The following CD37 variants were observed in gnomAD, a reference collection of about 807,000 sequenced individuals.
CD37 encodes CD37 molecule, also known as leukocyte antigen CD37.
A neutral mutation model predicts 38.9 loss-of-function variants in CD37; 37 were observed. The observed-to-expected ratio is 0.95, with a 90% confidence interval of 0.73 to 1.25. The LOEUF (loss-of-function observed/expected upper bound fraction) is 1.25. CD37 is among the 50% of genes most tolerant of loss of function. The probability of loss-of-function intolerance (pLI) is 0.00; values close to 1 mark genes in which losing one functional copy is unlikely to be tolerated. For synonymous variants in CD37, 146 were observed against 150.1 expected (o/e 0.97, Z 0.20); for missense variants, 351 against 360.1 (o/e 0.97, Z 0.20).
In CD37 at chr19:49,339,481, G is replaced by A. The variant is rs753238158; in HGVS notation, c.768+68G>A. The A allele has an allele frequency of 2.6e-6, 4 of 1,558,136 alleles. No homozygotes were observed. The South Asian group carries it at 3.3e-5, about 13-fold the overall frequency. ...TAGATGGCCCTGCCCTTCATTTCGC[G>A]TCCTTCGGTTGCCTGGGAAGGACGA... On this transcript the variant is annotated intron_variant, in intron 7 of 7. Transcript: ENST00000323906. The surrounding 1 kb of genome is among the most constrained non-coding windows in gnomAD (Gnocchi z 4.5).
chr19:49,337,520 G>A, intron 4 of CD37: 7 of 769,386 alleles, frequency 9.1e-6, no homozygotes, highest in South Asian at 1.8e-5. Context: ...TACTTGGGAG[G>A]TCGAGGTGGG....
In CD37 at chr19:49,339,565, G is replaced by A. The variant is rs1184548016; in HGVS notation, c.768+152G>A. 4.8e-6 allele frequency: 7 copies of A among 1,467,550 alleles called. No individual in the cohort carries two copies. The Admixed American group carries it at 1.2e-4, about 26-fold the overall frequency. 90.9% of individuals were successfully genotyped at this position (1,467,550 alleles called of 1,614,324 possible). On this transcript the variant is annotated intron_variant, in intron 7 of 7. Transcript: ENST00000323906. This position sits in a 1 kb window ranked among gnomAD's most constrained non-coding sequence, Gnocchi z 4.5. ...CCGCCGCTCCACCCAGCACCGGAGG[G>A]TGGGGGCGGCCCAGCTTCAGGGAGC... is the stretch of plus-strand genomic sequence containing the variant.
At position 49,339,549 on chromosome 19, in the gene CD37, C is replaced by T; in HGVS notation, c.768+136C>T. The stretch of plus-strand genomic sequence containing the variant: ...GCCCACCCCGGCCCTCCCGCCGCTC[C>T]ACCCAGCACCGGAGGGTGGGGGCGG... On this transcript the variant is annotated intron_variant, in intron 7 of 7. Coordinates refer to ENST00000323906, the MANE Select transcript of CD37 (RefSeq NM_001774.3). The surrounding 1 kb of genome is among the most constrained non-coding windows in gnomAD (Gnocchi z 4.5). 6.8e-7 allele frequency: 1 copy of T among 1,476,930 alleles called. No individual in the cohort carries two copies. Among genetic ancestry groups the T allele is most frequent in the Non-Finnish European group, 9.0e-7 (1 of 1,105,918 alleles). The allele number at this position is 1,476,930 out of a possible 1,614,324, so 91.5% of individuals were successfully genotyped here.
chr19:49,340,331 C>A lies in CD37; in HGVS notation c.*3C>A. The A allele has an allele frequency of 6.2e-7, 1 of 1,606,440 alleles. No individual in the cohort carries two copies. Among genetic ancestry groups the A allele is most frequent in the Non-Finnish European group, 8.5e-7 (1 of 1,173,554 alleles). ...ACCGGCTCGCTCGATACCGTTAGGC[C>A]CCGCCCTCCCCAAAGTCCCGCCCCG... On this transcript the variant is annotated 3_prime_UTR_variant, in exon 8 of 8. Transcript: ENST00000323906.
chr19:49,338,002 G>A lies in CD37; in HGVS notation c.420G>A (p.Glu140=), dbSNP rs1223878755. 2 of 1,613,882 alleles carry A rather than the reference G, an allele frequency of 1.2e-6. No individual in the cohort carries two copies. Among genetic ancestry groups the A allele is most frequent in the East Asian group, 2.2e-5 (1 of 44,876 alleles). The change falls in exon 5 of 8, where the codon GAG becomes GAA. Residue 140 remains glutamate, a synonymous_variant. Transcript: ENST00000323906. The surrounding 1 kb of genome is among the most constrained non-coding windows in gnomAD (Gnocchi z 5.0). ...CCAACCCCGAGGAGACCGCGGCCGA[G>A]GAGAGCTGGGACTATGTGCAGTTCC... ...YGTNPEETAA[E]ESWDYVQFQL...
Position 49,335,509 on chromosome 19 carries a change from G to A in CD37, c.-32G>A. The A allele has an allele frequency of 1.9e-6, 3 of 1,538,570 alleles. No individual in the cohort carries two copies. The highest frequency in any genetic ancestry group is 9.0e-7 in the Non-Finnish European group (1 of 1,111,312). On this transcript the variant is annotated 5_prime_UTR_variant, in exon 1 of 8. Transcript: ENST00000323906. This position sits in a 1 kb window ranked among gnomAD's most constrained non-coding sequence, Gnocchi z 4.6. Reference sequence around the variant, plus strand: ...CCCACTGTCAGCACCTCTTCTGTGTGGTGAGTGGACCGCTTACCCCACTAG... The same window carrying A: ...CCCACTGTCAGCACCTCTTCTGTGTAGTGAGTGGACCGCTTACCCCACTAG...
In CD37 at chr19:49,338,198, C is replaced by G; in HGVS notation, c.447+169C>G. 5 of 1,434,906 alleles carry G rather than the reference C, an allele frequency of 3.5e-6. No homozygotes were observed. The South Asian group carries it at 6.0e-5, about 17-fold the overall frequency. 88.9% of individuals were successfully genotyped at this position (1,434,906 alleles called of 1,614,324 possible). A position where few individuals can be genotyped will look rare whatever the true frequency, so the allele number is the denominator to read the frequency against. On this transcript the variant is annotated intron_variant, in intron 5 of 7. Transcript: ENST00000323906. This position sits in a 1 kb window ranked among gnomAD's most constrained non-coding sequence, Gnocchi z 5.0. ...CCCCAGATGACACAACTGTCCCCGG[C>G]GTCGCCTGGTCTCCCAGTACCCAGA...
rs537897429 is a variant in CD37 at position 49,338,702 on chromosome 19, G to C, written c.450G>C (p.Leu150=). ...EESWDYVQFQ[L]RCCGWHYPQD... ...TCTGACTCGTATCCCTCTCCCAGCT[G>C]CGCTGCTGCGGCTGGCACTACCCGC... The change falls in exon 6 of 8, where the codon CTG becomes CTC. Residue 150 remains leucine, a splice_region_variant and synonymous_variant. Coordinates refer to ENST00000323906, the MANE Select transcript of CD37 (RefSeq NM_001774.3). The surrounding 1 kb of genome is among the most constrained non-coding windows in gnomAD (Gnocchi z 5.0). 1 of 1,609,526 alleles carries C rather than the reference G, an allele frequency of 6.2e-7. No individual in the cohort carries two copies. The highest frequency in any genetic ancestry group is 8.5e-7 in the Non-Finnish European group (1 of 1,178,534).
At position 49,338,986 on chromosome 19, in the gene CD37, G is replaced by C; in HGVS notation, c.684+50G>C. On this transcript the variant is annotated intron_variant, in intron 6 of 7. Transcript: ENST00000323906. The surrounding 1 kb of genome is among the most constrained non-coding windows in gnomAD (Gnocchi z 5.0). ...CCTGTCGAATGGGGCGGGGCCTGCG[G>C]GAGGGGGAGGGCTGTCAGTGAGTAG... is the stretch of plus-strand genomic sequence containing the variant. 7.1e-7 allele frequency: 1 copy of C among 1,409,668 alleles called. No homozygotes were observed. Among genetic ancestry groups the C allele is most frequent in the African/African-American group, 1.4e-5 (1 of 71,208 alleles). The allele number at this position is 1,409,668 out of a possible 1,614,324, so 87.3% of individuals were successfully genotyped here. A position where few individuals can be genotyped will look rare whatever the true frequency, so the allele number is the denominator to read the frequency against.
At position 49,339,248 on chromosome 19, in the gene CD37, G is replaced by A; in HGVS notation, c.685-82G>A. 7.9e-7 allele frequency: 1 copy of A among 1,258,758 alleles called. No homozygotes were observed. The highest frequency in any genetic ancestry group is 2.3e-5 in the East Asian group (1 of 43,110). The allele number at this position is 1,258,758 out of a possible 1,614,324, so 78.0% of individuals were successfully genotyped here. A position where few individuals can be genotyped will look rare whatever the true frequency, so the allele number is the denominator to read the frequency against. ...GAGCGGGTAGATGCCTGAAGACGGT[G>A]AGGGTTGGCCTGAAAAGAACGCTGG... On this transcript the variant is annotated intron_variant, in intron 6 of 7. Coordinates refer to ENST00000323906, the MANE Select transcript of CD37 (RefSeq NM_001774.3). The surrounding 1 kb of genome is among the most constrained non-coding windows in gnomAD (Gnocchi z 4.5).
rs763001458 is a variant in CD37, at chr19:49,338,963, T to G, written c.684+27T>G. On this transcript the variant is annotated intron_variant, in intron 6 of 7. Coordinates refer to ENST00000323906, the MANE Select transcript of CD37 (RefSeq NM_001774.3). This position sits in a 1 kb window ranked among gnomAD's most constrained non-coding sequence, Gnocchi z 5.0. ...TGGGCAGGGGTTCGGAGCATAAACC[T>G]GTCGAATGGGGCGGGGCCTGCGGGA... is the stretch of plus-strand genomic sequence containing the variant. 1.3e-6 allele frequency: 2 copies of G among 1,542,970 alleles called. No individual in the cohort carries two copies. Among genetic ancestry groups the G allele is most frequent in the Non-Finnish European group, 1.8e-6 (2 of 1,118,274 alleles).
Position 49,337,569 on chromosome 19 carries a change from C to T in CD37, c.342+348C>T, listed in dbSNP as rs571276378. On this transcript the variant is annotated intron_variant, in intron 4 of 7. Coordinates refer to ENST00000323906, the MANE Select transcript of CD37 (RefSeq NM_001774.3). ...CCAGGGAGTTTGAGGCTACAGTGAG[C>T]CATGCACTCAGCCTGGGTGACAGAG... 4.1e-6 allele frequency: 5 copies of T among 1,210,870 alleles called. No homozygotes were observed. The African/African-American group carries it at 7.6e-5, about 19-fold the overall frequency. 75.0% of individuals were successfully genotyped at this position (1,210,870 alleles called of 1,614,324 possible). A position where few individuals can be genotyped will look rare whatever the true frequency, so the allele number is the denominator to read the frequency against.
In CD37 at chr19:49,339,973, G is replaced by A. The variant is rs1346349133; in HGVS notation, c.769-278G>A. ...GGCACAATTAGAGGCTGAGGCAGAG[G>A]GGGAAGACAGATGAGCCTCCAAAAT... On this transcript the variant is annotated intron_variant, in intron 7 of 7. Transcript: ENST00000323906. This position sits in a 1 kb window ranked among gnomAD's most constrained non-coding sequence, Gnocchi z 4.5. 8.4e-6 allele frequency: 12 copies of A among 1,423,754 alleles called. No individual in the cohort carries two copies. Among genetic ancestry groups the A allele is most frequent in the African/African-American group, 1.4e-5 (1 of 69,540 alleles). The allele number at this position is 1,423,754 out of a possible 1,614,324, so 88.2% of individuals were successfully genotyped here.
At position 49,335,668 on chromosome 19, in the gene CD37, A is replaced by C; in HGVS notation, c.70-46A>C. The stretch of plus-strand genomic sequence containing the variant: ...AGCCCCTGCCGCTAACCCAGCCCTC[A>C]TCTTCCCCTGTGGCCCACCCCCGTA... On this transcript the variant is annotated intron_variant, in intron 1 of 7. Coordinates refer to ENST00000323906, the MANE Select transcript of CD37 (RefSeq NM_001774.3). This position sits in a 1 kb window ranked among gnomAD's most constrained non-coding sequence, Gnocchi z 4.6. 1.9e-6 allele frequency: 3 copies of C among 1,611,134 alleles called. No homozygotes were observed. The highest frequency in any genetic ancestry group is 2.5e-6 in the Non-Finnish European group (3 of 1,177,628).
intron 7 of CD37, 110 bp from the exon 8 acceptor site, chr19:49,340,141 T>A: frequency 4.6e-5 from 70 of 1,507,458 alleles, no homozygotes; most frequent in East Asian, 1.2e-4. Flanking sequence ...CTCCAGCCCC[T>A]TCCCGCCCAA....
In CD37 at chr19:49,337,977, C is replaced by A. The variant is rs1406768522; in HGVS notation, c.395C>A (p.Thr132Asn). The A allele has an allele frequency of 1.2e-6, 2 of 1,614,090 alleles. No homozygotes were observed. The highest frequency in any genetic ancestry group is 3.3e-5 in the Admixed American group (2 of 60,012). ...VVEKTIQKYG[T>N]NPEETAAEES... ...GAGAAAACCATCCAAAAGTACGGCACCAACCCCGAGGAGACCGCGGCCGAG... is the reference window on the plus strand; with the variant it reads ...GAGAAAACCATCCAAAAGTACGGCAACAACCCCGAGGAGACCGCGGCCGAG... Residue 132 changes from threonine (T) to asparagine (N), a missense_variant, in exon 5 of 8, where the codon ACC becomes AAC. Physicochemically the swap from Thr to Asn is moderately conservative, Grantham distance 65. Coordinates refer to ENST00000323906, the MANE Select transcript of CD37 (RefSeq NM_001774.3).
Position 49,339,308 on chromosome 19 carries a change from A to G in CD37, c.685-22A>G. ...TGAGAGTCCCAGAAAGAATCCCTTT[A>G]ACTTTTCCCTACACCCCCCAGGGCT... On this transcript the variant is annotated intron_variant, in intron 6 of 7. Coordinates refer to ENST00000323906, the MANE Select transcript of CD37 (RefSeq NM_001774.3). The surrounding 1 kb of genome is among the most constrained non-coding windows in gnomAD (Gnocchi z 4.5). 1 of 1,608,354 alleles carries G rather than the reference A, an allele frequency of 6.2e-7. No homozygotes were observed. Among genetic ancestry groups the G allele is most frequent in the East Asian group, 2.2e-5 (1 of 44,846 alleles).
At chr19:49,337,100 C>T (rs1324675564) in intron 3 of CD37, 47 bp from the exon 4 acceptor site, 17 of 1,614,002 alleles carry the variant, frequency 1.1e-5, no homozygotes, top group Middle Eastern at 1.6e-4. Flanking sequence ...TGGCCTGGGC[C>T]GGGGTTGCAG....
chr19:49,338,264 C>T lies in CD37; in HGVS notation c.447+235C>T. 1 of 1,197,408 alleles carries T rather than the reference C, an allele frequency of 8.4e-7. No homozygotes were observed. The highest frequency in any genetic ancestry group is 1.7e-5 in the South Asian group (1 of 59,652). 74.2% of individuals were successfully genotyped at this position (1,197,408 alleles called of 1,614,324 possible). ...GCCATCTACCTCGAGAGACTCCGCC[C>T]CCGCCCCCGCCCCGACCAGAGGTTG... On this transcript the variant is annotated intron_variant, in intron 5 of 7. Coordinates refer to ENST00000323906, the MANE Select transcript of CD37 (RefSeq NM_001774.3). The surrounding 1 kb of genome is among the most constrained non-coding windows in gnomAD (Gnocchi z 5.0).
Sources: allele counts gnomAD v4.1 joint callset, GRCh38; gene constraint gnomAD v4.1.1; non-coding constraint Gnocchi (gnomAD v3.1); transcripts MANE v1.5; gene names NCBI Gene and HGNC (gene_info 2026-07-23, HGNC 2026-07-21).